Variants in ATXN7 observed in about 807,000 individuals in gnomAD.
ATXN7 encodes the protein ataxin 7.
ATXN7 carries 12 observed loss-of-function variants against 70.5 expected under a neutral mutation model. The ratio of observed to expected loss-of-function variants is 0.17; its 90% CI spans 0.11 to 0.28. The LOEUF (loss-of-function observed/expected upper bound fraction) is 0.28. Among genes scored for constraint, ATXN7 ranks in the 10% least tolerant of loss-of-function variants. The pLI, the probability that ATXN7 is intolerant of heterozygous loss-of-function variation, is 1.00. For synonymous variants in ATXN7, 498 were observed against 448.7 expected, an observed-to-expected ratio of 1.11 and a Z score of -1.39; for missense variants, 1,256 against 1,131.7, an observed-to-expected ratio of 1.11 and a Z score of -1.58.
At chr3:63,987,967 T>G (rs1156892804) in intron 8 of ATXN7, 92 bp from the exon 9 acceptor site, 6 of 1,468,318 alleles carry the variant, frequency 4.1e-6, no homozygotes, top group Non-Finnish European at 5.6e-6. Context: ...TGGTCTAGAT[T>G]GCTTATTTAT....
intron 5 of ATXN7, among the ~76,000 whole-genome samples, chr3:63,955,767 C>T (rs868307251): frequency 7.9e-5 from 12 of 152,112 alleles, no homozygotes; most frequent in African/African-American, 2.2e-4. Context: ...GAAAATGTGT[C>T]GGCAGTCTTC....
chr3:64,001,582 T>C lies in ATXN7; in HGVS notation c.*2115T>C, dbSNP rs1287843440. On this transcript the variant is annotated 3_prime_UTR_variant, in exon 13 of 13. Transcript: ENST00000674280. Reference sequence around the variant, plus strand: ...TGTGAATAGGATCCACAATAACAAGTTGATTCAGACTAATGTAGATATTTA... The same window carrying C: ...TGTGAATAGGATCCACAATAACAAGCTGATTCAGACTAATGTAGATATTTA... 6.6e-6 allele frequency: 1 copy of C among 152,224 alleles called. No homozygotes were observed. Among genetic ancestry groups the C allele is most frequent in the African/African-American group, 2.4e-5 (1 of 41,456 alleles). 9.4% of individuals were successfully genotyped at this position (152,224 alleles called of 1,614,324 possible).
intron 4 of ATXN7, among the ~76,000 whole-genome samples, chr3:63,950,998 A>T (rs936218827): frequency 6.6e-6 from 1 of 152,128 alleles, no homozygotes; most frequent in African/African-American, 2.4e-5. Flanking sequence ...AATTCCAGCT[A>T]TTGACCTTAG....
At chr3:63,929,075 A>C (rs1476954948) in intron 4 of ATXN7, among the ~76,000 whole-genome samples, 1 of 152,152 alleles carries the variant, frequency 6.6e-6, no homozygotes, top group Non-Finnish European at 1.5e-5. Flanking sequence ...TGAGAAAGCA[A>C]ATCCTAATGG....
chr3:63,949,421 C>CA, intron 4 of ATXN7, among the ~76,000 whole-genome samples: 2 of 152,074 alleles, frequency 1.3e-5, no homozygotes, highest in Non-Finnish European at 2.9e-5. Context: ...TTTTGTGAGA[C>CA]AGAGTCTCAC....
intron 2 of ATXN7, among the ~76,000 whole-genome samples, chr3:63,900,031 C>T (rs186738828): frequency 6.6e-6 from 1 of 152,260 alleles, no homozygotes; most frequent in East Asian, 1.9e-4. Flanking sequence ...CGGCAGTTAG[C>T]CATGATGATG....
At chr3:63,874,108 G>GT (rs1208558037) in intron 1 of ATXN7, among the ~76,000 whole-genome samples, 23 of 152,158 alleles carry the variant, frequency 1.5e-4, no homozygotes, top group Middle Eastern at 3.2e-3. Context: ...TACTACATGT[G>GT]TTTTTTACAT....
At chr3:63,899,612 A>AT (rs558227744) in intron 2 of ATXN7, among the ~76,000 whole-genome samples, 3,480 of 149,560 alleles carry the variant, frequency 0.023, 71 homozygotes, top group South Asian at 0.079. Flanking sequence ...AACTCTAGAA[A>AT]TTTTTTTTTT....
At chr3:63,911,350 G>A (rs541554048) in intron 2 of ATXN7, among the ~76,000 whole-genome samples, 1 of 152,206 alleles carries the variant, frequency 6.6e-6, no homozygotes, top group East Asian at 1.9e-4. Context: ...TGTTGGGGAG[G>A]GGTGCTAAGT....
chr3:63,913,136 C>CTG (rs776513508), intron 3 of ATXN7, 21 bp from the exon 4 acceptor site: 1 of 1,611,644 alleles, frequency 6.2e-7, no homozygotes, highest in East Asian at 2.2e-5. Context: ...TCCCCTCCTC[C>CTG]TGTGTGTGTA....
intron 5 of ATXN7, 138 bp downstream of exon 5, chr3:63,952,621 G>T: frequency 4.4e-6 from 2 of 453,626 alleles, no homozygotes; most frequent in South Asian, 6.1e-5. Context: ...TCACTCAGTG[G>T]GTTAATAACT....
At position 63,982,210 on chromosome 3, in the gene ATXN7, A is replaced by C; in HGVS notation, c.777A>C (p.Glu259Asp). The change falls in exon 7 of 13, where the codon GAA becomes GAC. Residue 259 changes from glutamate (E) to aspartate (D), a missense_variant. Physicochemically the swap from Glu to Asp is conservative, Grantham distance 45. Transcript: ENST00000674280. ...GCATGACACCCTCTGTGAAAGTGGA[A>C]AAGATTCATCCGAAAATGGATGGCA... ...GRIMTPSVKVEKIHPKMDGTL... is the reference protein window; with the variant it reads ...GRIMTPSVKVDKIHPKMDGTL... The C allele has an allele frequency of 6.2e-7, 1 of 1,614,094 alleles. No homozygotes were observed. The highest frequency in any genetic ancestry group is 1.1e-5 in the South Asian group (1 of 91,078).
rs774690879 is a variant in ATXN7, at chr3:63,996,222, T to C, written c.2400T>C (p.Ser800=). The change falls in exon 12 of 13, where the codon TCT becomes TCC. Residue 800 remains serine (S), a synonymous_variant. Transcript: ENST00000674280. ...GTGTGATGGTGAACAGCAGTGATTC[T>C]ACTCTTTCTCTTGGGCCATTCATTC... ...RMSVMVNSSD[S]TLSLGPFIHQ... 4 of 1,614,198 alleles carry C rather than the reference T, an allele frequency of 2.5e-6. No individual in the cohort carries two copies. Among genetic ancestry groups the C allele is most frequent in the South Asian group, 1.1e-5 (1 of 91,088 alleles).
intron 8 of ATXN7, among the ~76,000 whole-genome samples, chr3:63,983,516 C>G (rs905740812): frequency 6.6e-6 from 1 of 151,958 alleles, no homozygotes; most frequent in Non-Finnish European, 1.5e-5. Flanking sequence ...CCAGGCATGC[C>G]TGTAAGTCCC....
intron 11 of ATXN7, among the ~76,000 whole-genome samples, chr3:63,992,650 A>G (rs972302670): frequency 6.6e-6 from 1 of 152,228 alleles, no homozygotes; most frequent in Non-Finnish European, 1.5e-5. Flanking sequence ...CTTTTTAAAA[A>G]GTAAGATCAT....
chr3:63,996,614 TCTTAA>T (rs1171723968), intron 12 of ATXN7, 131 bp downstream of exon 12: 1 of 497,846 alleles, frequency 2.0e-6, no homozygotes, highest in Non-Finnish European at 2.9e-6. Context: ...CATGGTGTCT[TCTTAA>T]AAAAAAAAAA....
chr3:63,913,173 A>C lies in ATXN7; in HGVS notation c.342A>C (p.Glu114Asp), dbSNP rs756779812. The C allele has an allele frequency of 6.2e-7, 1 of 1,613,568 alleles. No homozygotes were observed. The highest frequency in any genetic ancestry group is 8.5e-7 in the Non-Finnish European group (1 of 1,179,892). The change falls in exon 4 of 13, where the codon GAA becomes GAC. Residue 114 changes from glutamate to aspartate, a missense_variant. By Grantham distance (45) the Glu-to-Asp change is conservative (BLOSUM62 2). Coordinates refer to ENST00000674280, the MANE Select transcript of ATXN7 (RefSeq NM_001377405.1). ...ATCTCCTAGGGACAGAATTGGACGA[A>C]AGTTTCAAGGAGTTTGGGAAAAACC... The part of the protein sequence containing the change: ...LPGKDGTELD[E>D]SFKEFGKNRE...
chr3:63,881,091 G>A (rs1702893793), intron 1 of ATXN7, among the ~76,000 whole-genome samples: 1 of 152,140 alleles, frequency 6.6e-6, no homozygotes. Flanking sequence ...GTTAGTATGT[G>A]CCAGACTGTG....
At chr3:63,916,042 AT>A (rs979792513) in intron 4 of ATXN7, among the ~76,000 whole-genome samples, 1 of 152,160 alleles carries the variant, frequency 6.6e-6, no homozygotes, top group African/African-American at 2.4e-5. Context: ...GAATTCTCCA[AT>A]GTGCAATTTT....
Sources: allele counts gnomAD v4.1 joint callset (sites outside exome capture counted in the v4.1 genomes callset), GRCh38; gene constraint gnomAD v4.1.1; transcripts MANE v1.5; gene names NCBI Gene and HGNC (gene_info 2026-07-23, HGNC 2026-07-21).